The following GARS1 variants were observed in gnomAD, a reference collection of about 807,000 sequenced individuals.
GARS1 encodes glycyl-tRNA synthetase 1.
In GARS1, 46 loss-of-function variants were observed where a neutral mutation model predicts 86.4. That is an observed-to-expected ratio of 0.53 (90% CI 0.42 to 0.68). GARS1 has a LOEUF of 0.68. GARS1 is among the 30% of genes least tolerant of loss of function. The pLI, the probability that GARS1 is intolerant of heterozygous loss-of-function variation, is 0.00. For missense variants in GARS1, 797 were observed against 915.6 expected, an observed-to-expected ratio of 0.87 and a Z score of 1.67; for synonymous variants, 342 against 329.8, an observed-to-expected ratio of 1.04 and a Z score of -0.40.
intron 10 of GARS1, among the ~76,000 whole-genome samples, chr7:30,620,624 T>G (rs574156845): frequency 6.6e-6 from 1 of 152,366 alleles, no homozygotes; most frequent in East Asian, 1.9e-4. Context: ...TAAAAGTATC[T>G]TATGTGTGTA....
intron 14 of GARS1, 64 bp downstream of exon 14, chr7:30,628,733 G>A (rs2128135893): frequency 1.0e-6 from 1 of 1,000,132 alleles, no homozygotes; most frequent in Admixed American, 1.7e-5. Flanking sequence ...GAATTACATT[G>A]TGAAGTACAT....
intron 12 of GARS1, among the ~76,000 whole-genome samples, chr7:30,624,085 A>G (rs1054275175): frequency 1.3e-5 from 2 of 152,194 alleles, no homozygotes; most frequent in Admixed American, 6.5e-5. Flanking sequence ...TAAACTTTCA[A>G]AAAACATTAT....
chr7:30,606,287 A>AT (rs1288506120), intron 6 of GARS1, among the ~76,000 whole-genome samples: 1 of 125,766 alleles, frequency 8.0e-6, no homozygotes, highest in Non-Finnish European at 1.7e-5. Context: ...CAAAATGGTG[A>AT]TTTTTGTCAT....
At chr7:30,608,413 C>T (rs1057029564) in intron 6 of GARS1, among the ~76,000 whole-genome samples, 3 of 152,254 alleles carry the variant, frequency 2.0e-5, no homozygotes, top group African/African-American at 7.2e-5. Context: ...TCTAGTAGGA[C>T]CAGCTTATAT....
At position 30,626,244 on chromosome 7, in the gene GARS1, A is replaced by G. The variant is rs1060502837; in HGVS notation, c.1624A>G (p.Ile542Val). 1.9e-6 allele frequency: 3 copies of G among 1,605,540 alleles called. No individual in the cohort carries two copies. Among genetic ancestry groups the G allele is most frequent in the South Asian group, 1.1e-5 (1 of 90,816 alleles). The change falls in exon 13 of 17, where the codon ATT becomes GTT. Residue 542 changes from isoleucine to valine, a missense_variant. Transcript: ENST00000389266. ...MLLNEKGEFTIETEGKTFQLT... is the reference protein window; with the variant it reads ...MLLNEKGEFTVETEGKTFQLT... ...TTTGTTTCTTCGTAGGGAATTCACA[A>G]TTGAAACTGAAGGGAAAACATTTCA...
chr7:30,614,815 G>A (rs901551043), intron 8 of GARS1, among the ~76,000 whole-genome samples: 2 of 150,242 alleles, frequency 1.3e-5, no homozygotes, highest in African/African-American at 2.5e-5. Flanking sequence ...GGCGGAGCTT[G>A]CAGTGAGCCG....
chr7:30,594,881 T>G lies in GARS1; in HGVS notation c.-41T>G, dbSNP rs891712368. ...TCCGAGCCGGGCGGCGCGCGCCGCTTCCGTCGCCACCCTCTCTGGACAGCC... is the reference window on the plus strand; with the variant it reads ...TCCGAGCCGGGCGGCGCGCGCCGCTGCCGTCGCCACCCTCTCTGGACAGCC... On this transcript the variant is annotated 5_prime_UTR_variant, in exon 1 of 17. Coordinates refer to ENST00000389266, the MANE Select transcript of GARS1 (RefSeq NM_002047.4). The G allele has an allele frequency of 1.3e-5, 19 of 1,496,164 alleles. No homozygotes were observed. The highest frequency in any genetic ancestry group is 1.6e-5 in the Non-Finnish European group (18 of 1,112,896). The allele number at this position is 1,496,164 out of a possible 1,614,324, so 92.7% of individuals were successfully genotyped here.
intron 8 of GARS1, 22 bp downstream of exon 8, chr7:30,612,267 C>G (rs753817623): frequency 6.2e-7 from 1 of 1,609,402 alleles, no homozygotes; most frequent in East Asian, 2.2e-5. Context: ...GTTACTCTTA[C>G]AAATTAGTGA....
chr7:30,601,442 T>A (rs1425954889), intron 4 of GARS1, among the ~76,000 whole-genome samples: 1 of 152,238 alleles, frequency 6.6e-6, no homozygotes, highest in Non-Finnish European at 1.5e-5. Flanking sequence ...GTGTTAGCAG[T>A]ACACTGCTTA....
rs1426423600 is a variant in GARS1, at chr7:30,622,341, G to A, written c.1492G>A (p.Glu498Lys). 6.2e-7 allele frequency: 1 copy of A among 1,614,124 alleles called. No individual in the cohort carries two copies. The highest frequency in any genetic ancestry group is 1.1e-5 in the South Asian group (1 of 91,074). The part of the protein sequence containing the change: ...EPKTVNVVQF[E>K]PSKGAIGKAY... ...CAAAACAGTCAATGTTGTTCAGTTT[G>A]AACCCAGTAAGGGAGCAATTGGTAA... Residue 498 changes from glutamate to lysine, a missense_variant, in exon 12 of 17, where the codon GAA becomes AAA. By Grantham distance (56) the Glu-to-Lys change is moderately conservative. This residue lies in a region of GARS1 where 598 missense variants were observed against 738.7 expected (regional missense o/e 0.81). Transcript: ENST00000389266.
intron 1 of GARS1, 121 bp from the exon 2 acceptor site, chr7:30,598,675 C>T (rs549671077): frequency 1.1e-5 from 9 of 794,008 alleles, no homozygotes; most frequent in Middle Eastern, 2.4e-4. Context: ...TGAGCCACCA[C>T]GCTTGGCCTG....
chr7:30,630,591 GCCTC>G (rs1783216441), intron 14 of GARS1, among the ~76,000 whole-genome samples: 1 of 147,038 alleles, frequency 6.8e-6, no homozygotes, highest in African/African-American at 2.5e-5. Flanking sequence ...GCTGACTACA[GCCTC>G]AAACTTCTGG....
In GARS1 at chr7:30,617,343, G is replaced by T. The variant is rs1782909417; in HGVS notation, c.1359+65G>T. 2.6e-6 allele frequency: 4 copies of T among 1,541,024 alleles called. No individual in the cohort carries two copies. The Admixed American group carries it at 5.4e-5, about 21-fold the overall frequency. ...TAACTTAGAAGCACAGGTACCAAATGAATTTTTGTGCACTTTATGTCACAG... is the reference window on the plus strand; with the variant it reads ...TAACTTAGAAGCACAGGTACCAAATTAATTTTTGTGCACTTTATGTCACAG... On this transcript the variant is annotated intron_variant, in intron 10 of 16. Transcript: ENST00000389266.
chr7:30,625,661 C>T (rs944216451), intron 12 of GARS1, among the ~76,000 whole-genome samples: 7 of 152,222 alleles, frequency 4.6e-5, no homozygotes, highest in Non-Finnish European at 8.8e-5. Context: ...GACACAAATA[C>T]ATGGCAGCCA....
chr7:30,627,570 A>C (rs1562782349), intron 13 of GARS1, among the ~76,000 whole-genome samples: 1 of 152,208 alleles, frequency 6.6e-6, no homozygotes, highest in Non-Finnish European at 1.5e-5. Context: ...TCCTTTCCAC[A>C]TAATAAGTAA....
At chr7:30,620,411 A>C (rs1183089718) in intron 10 of GARS1, among the ~76,000 whole-genome samples, 2 of 152,062 alleles carry the variant, frequency 1.3e-5, no homozygotes, top group Non-Finnish European at 2.9e-5. Context: ...GTATCCTCAC[A>C]TGGTGAAAGA....
chr7:30,620,403 A>C (rs1782981175), intron 10 of GARS1, among the ~76,000 whole-genome samples: 2 of 152,086 alleles, frequency 1.3e-5, no homozygotes, highest in Admixed American at 1.3e-4. Context: ...TTCTTGTTGT[A>C]TCCTCACATG....
At chr7:30,621,317 T>C in intron 10 of GARS1, 76 bp from the exon 11 acceptor site, 2 of 1,120,634 alleles carry the variant, frequency 1.8e-6, no homozygotes, top group Non-Finnish European at 2.7e-6. Context: ...AGGTTTATAA[T>C]CTGCATGCAT....
intron 8 of GARS1, among the ~76,000 whole-genome samples, chr7:30,612,550 G>A (rs963612550): frequency 7.2e-6 from 1 of 139,348 alleles, no homozygotes; most frequent in East Asian, 2.5e-4. Flanking sequence ...GTAATATCTT[G>A]ATTGTCTAAA....
Sources: gnomAD v4.1 joint callset for allele counts (sites outside exome capture counted in the v4.1 genomes callset) on GRCh38, gnomAD v4.1.1 for gene constraint, gnomAD v4.1.1 regional missense constraint, MANE v1.5 for transcripts, NCBI Gene and HGNC (gene_info 2026-07-23, HGNC 2026-07-21) for gene names.